DPPA4: variants seen among roughly 807,000 people sequenced by gnomAD.
DPPA4 encodes the protein developmental pluripotency associated 4.
A neutral mutation model predicts 33.7 loss-of-function variants in DPPA4; 22 were observed. The observed-to-expected ratio is 0.65, with a 90% confidence interval of 0.47 to 0.93. DPPA4 has a LOEUF of 0.93. Ranked by LOEUF, DPPA4 falls within the 40% of genes least tolerant of loss-of-function variation. The pLI, the probability that DPPA4 is intolerant of heterozygous loss-of-function variation, is 0.00. For synonymous variants in DPPA4, 156 were observed against 132.3 expected (o/e 1.18, Z -1.23); for missense variants, 340 against 358.6 (o/e 0.95, Z 0.42).
In DPPA4 at chr3:109,337,546, T is replaced by G; in HGVS notation, c.-29A>C. 6.2e-7 allele frequency: 1 copy of G among 1,612,852 alleles called. No individual in the cohort carries two copies. The highest frequency in any genetic ancestry group is 8.5e-7 in the Non-Finnish European group (1 of 1,178,906). On this transcript the variant is annotated 5_prime_UTR_variant, in exon 1 of 7. Coordinates refer to ENST00000335658, the MANE Select transcript of DPPA4 (RefSeq NM_018189.4). ...TCCAAAATGGCCCCTGCCCCAAGATTGCTATTTGCAAAGTCTCCTCCCACT... is the reference window on the plus strand; with the variant it reads ...TCCAAAATGGCCCCTGCCCCAAGATGGCTATTTGCAAAGTCTCCTCCCACT...
At chr3:109,338,764 G>A (rs1326827810), upstream of DPPA4, among the ~76,000 whole-genome samples, 1 of 152,126 alleles carries the variant, frequency 6.6e-6, no homozygotes, top group Non-Finnish European at 1.5e-5. Flanking sequence ...GAGATATTAG[G>A]GCTTTGATTT....
intron 5 of DPPA4, chr3:109,329,972 A>G (rs1410999456): frequency 6.3e-6 from 1 of 157,780 alleles, no homozygotes; most frequent in Non-Finnish European, 1.4e-5. Flanking sequence ...TGGTCCCCAG[A>G]CCAGCATCCT....
chr3:109,339,631 G>C (rs1708274484), upstream of DPPA4, among the ~76,000 whole-genome samples: 1 of 151,748 alleles, frequency 6.6e-6, no homozygotes, highest in Non-Finnish European at 1.5e-5. Context: ...GGTGGCGCAG[G>C]GGTGCCAGCT....
rs1362512611 is a variant in DPPA4 at position 109,326,201 on chromosome 3, G to A, written c.*1787C>T. The A allele has an allele frequency of 6.7e-6, 1 of 149,876 alleles. No individual in the cohort carries two copies. The highest frequency in any genetic ancestry group is 1.5e-5 in the Non-Finnish European group (1 of 68,020). The allele number at this position is 149,876 out of a possible 1,614,324, so 9.3% of individuals were successfully genotyped here. A position where few individuals can be genotyped will look rare whatever the true frequency, so the allele number is the denominator to read the frequency against. On this transcript the variant is annotated 3_prime_UTR_variant, in exon 7 of 7. Coordinates refer to ENST00000335658, the MANE Select transcript of DPPA4 (RefSeq NM_018189.4). ...GAGAAATTTAAGTTTATTGAAATGT[G>A]TTAGAAGCAGGGGAAGTATCTACAA...
At chr3:109,329,885 A>AT (rs1708022430) in intron 5 of DPPA4, 1 of 152,568 alleles carries the variant, frequency 6.6e-6, no homozygotes. Context: ...TAAATTGCTT[A>AT]AAGGGTAAAG....
rs554603526 is a variant in DPPA4 at position 109,329,444 on chromosome 3, A to G, written c.680-356T>C. Reference sequence around the variant, plus strand: ...CAGCTACTCAGGAGGCTGAGGCAGGAGAATGGCGTGAACCCGGGAGGCGGT... The same window carrying G: ...CAGCTACTCAGGAGGCTGAGGCAGGGGAATGGCGTGAACCCGGGAGGCGGT... On this transcript the variant is annotated intron_variant, in intron 5 of 6. Transcript: ENST00000335658. The G allele has an allele frequency of 1.3e-3, 278 of 208,330 alleles. 5 individuals are homozygous for G. In the South Asian group the frequency reaches 0.016, roughly 12 times the overall value. 12.9% of individuals were successfully genotyped at this position (208,330 alleles called of 1,614,324 possible).
In DPPA4 at chr3:109,326,336, AG is replaced by A. The variant is rs1366811431; in HGVS notation, c.*1651del. ...GGGAGAAGTTTAAAAAGGAAACAAAAGGAACAATACACATAGTATAAGAAAA... is the reference window on the plus strand; with the variant it reads ...GGGAGAAGTTTAAAAAGGAAACAAAAGAACAATACACATAGTATAAGAAAA... On this transcript the variant is annotated 3_prime_UTR_variant, in exon 7 of 7. Transcript: ENST00000335658. 6.6e-6 allele frequency: 1 copy of A among 152,138 alleles called. No individual in the cohort carries two copies. Among genetic ancestry groups the A allele is most frequent in the African/African-American group, 2.4e-5 (1 of 41,394 alleles). 9.4% of individuals were successfully genotyped at this position (152,138 alleles called of 1,614,324 possible). A position where few individuals can be genotyped will look rare whatever the true frequency, so the allele number is the denominator to read the frequency against.
chr3:109,333,658 C>A, intron 2 of DPPA4: 2 of 391,660 alleles, frequency 5.1e-6, no homozygotes, highest in Admixed American at 4.4e-5. Context: ...ACCAAATATG[C>A]TGTGGAAGTC....
At chr3:109,338,543 T>C (rs1040476491), upstream of DPPA4, among the ~76,000 whole-genome samples, 5 of 152,140 alleles carry the variant, frequency 3.3e-5, no homozygotes, top group African/African-American at 1.2e-4. Context: ...ACTTTGTTGT[T>C]TTTTTTTCCT....
intron 4 of DPPA4, 56 bp from the exon 5 acceptor site, chr3:109,330,868 A>C (rs1275733539): frequency 7.1e-7 from 1 of 1,412,806 alleles, no homozygotes. Flanking sequence ...TCTAACAAAA[A>C]TGGCCTAAGG....
At chr3:109,334,366 A>G (rs999181294) in intron 1 of DPPA4, among the ~76,000 whole-genome samples, 3 of 152,118 alleles carry the variant, frequency 2.0e-5, no homozygotes, top group African/African-American at 7.2e-5. Flanking sequence ...GAGCAACAAC[A>G]TAGTGAAACC....
upstream of DPPA4, among the ~76,000 whole-genome samples, chr3:109,337,780 T>G (rs1708243858): frequency 6.6e-6 from 1 of 152,084 alleles, no homozygotes; most frequent in Non-Finnish European, 1.5e-5. Context: ...CCGGAGACAT[T>G]GGGAGATTGA....
chr3:109,327,159 A>G lies in DPPA4; in HGVS notation c.*829T>C, dbSNP rs1707954633. The G allele has an allele frequency of 6.6e-6, 1 of 152,212 alleles. No individual in the cohort carries two copies. The highest frequency in any genetic ancestry group is 2.4e-5 in the African/African-American group (1 of 41,450). The allele number at this position is 152,212 out of a possible 1,614,324, so 9.4% of individuals were successfully genotyped here. ...ATCTCAGGTTATTAAGAGAACTTTG[A>G]AAAATATTGTTTAGAATATTAAAAA... is the stretch of plus-strand genomic sequence containing the variant. On this transcript the variant is annotated 3_prime_UTR_variant, in exon 7 of 7. Transcript: ENST00000335658.
At chr3:109,334,268 C>T (rs937073782) in intron 1 of DPPA4, among the ~76,000 whole-genome samples, 3 of 152,150 alleles carry the variant, frequency 2.0e-5, no homozygotes, top group Non-Finnish European at 2.9e-5. Flanking sequence ...GGGGAAAAAG[C>T]GCTTAGGTAG....
At chr3:109,333,337 G>GT (rs1708120943) in intron 2 of DPPA4, 3 of 108,098 alleles carry the variant, frequency 2.8e-5, no homozygotes, top group South Asian at 3.6e-4. Flanking sequence ...GCAACACCCT[G>GT]TCTTGGTGTC....
At chr3:109,339,460 C>T (rs1260259865), upstream of DPPA4, among the ~76,000 whole-genome samples, 3 of 151,996 alleles carry the variant, frequency 2.0e-5, no homozygotes, top group South Asian at 2.1e-4. Flanking sequence ...GTGGCTGGCA[C>T]AGCACATGTT....
chr3:109,331,543 C>CA (rs62827961), intron 4 of DPPA4, among the ~76,000 whole-genome samples, 191 bp downstream of exon 4: 767 of 71,310 alleles, frequency 0.011, 14 homozygotes, highest in Non-Finnish European at 0.012. Flanking sequence ...GACTCTGTCT[C>CA]AAAAAAAAAA....
chr3:109,330,360 T>C (rs752619500), intron 5 of DPPA4, 164 bp downstream of exon 5: 3 of 545,686 alleles, frequency 5.5e-6, no homozygotes, highest in Non-Finnish European at 9.7e-6. Flanking sequence ...TGCAAATAAA[T>C]GCTCAGGTCC....
upstream of DPPA4, among the ~76,000 whole-genome samples, chr3:109,339,455 T>A (rs1708271671): frequency 6.6e-6 from 1 of 152,020 alleles, no homozygotes; most frequent in African/African-American, 2.4e-5. Context: ...AAACAGTGGC[T>A]GGCACAGCAC....
Sources: allele counts gnomAD v4.1 joint callset (sites outside exome capture counted in the v4.1 genomes callset), GRCh38; gene constraint gnomAD v4.1.1; transcripts MANE v1.5; gene names NCBI Gene and HGNC (gene_info 2026-07-23, HGNC 2026-07-21).